Variants in CCDC172 observed in about 807,000 individuals in gnomAD.
The protein encoded by CCDC172 is coiled-coil domain containing 172.
In CCDC172, 30 loss-of-function variants were observed where a neutral mutation model predicts 38.0. The ratio of observed to expected loss-of-function variants is 0.79; its 90% confidence interval spans 0.59 to 1.07. The LOEUF is 1.07. Among genes scored for constraint, CCDC172 ranks in the 50% least tolerant of loss-of-function variants. The pLI is 0.00. For synonymous variants in CCDC172, 78 were observed against 88.3 expected (o/e 0.88, Z 0.66); for missense variants, 297 against 290.1 (o/e 1.02, Z -0.17).
At chr10:116,331,024 A>T (rs1844656111) in intron 3 of CCDC172, among the ~76,000 whole-genome samples, 1 of 152,154 alleles carries the variant, frequency 6.6e-6, no homozygotes, top group African/African-American at 2.4e-5. Context: ...ACAGGCGTGA[A>T]CCACCAAACC....
At chr10:116,366,114 AATAAT>A (rs1845119965) in intron 7 of CCDC172, among the ~76,000 whole-genome samples, 1 of 152,128 alleles carries the variant, frequency 6.6e-6, no homozygotes, top group Admixed American at 6.5e-5. Context: ...TGGTCCTTAA[AATAAT>A]ATATGTAAAC....
intron 2 of CCDC172, 37 bp downstream of exon 2, chr10:116,325,127 T>A: frequency 6.3e-7 from 1 of 1,599,748 alleles, no homozygotes; most frequent in Non-Finnish European, 8.6e-7. Context: ...GGGCCTTTTG[T>A]CTTCTGATGC....
At chr10:116,352,315 C>T (rs2134940489) in intron 5 of CCDC172, among the ~76,000 whole-genome samples, 1 of 152,176 alleles carries the variant, frequency 6.6e-6, no homozygotes, top group South Asian at 2.1e-4. Context: ...AAATAGTAAA[C>T]ACAATGTTTG....
At chr10:116,331,897 A>C (rs981272153) in intron 3 of CCDC172, among the ~76,000 whole-genome samples, 2 of 152,110 alleles carry the variant, frequency 1.3e-5, no homozygotes, top group African/African-American at 4.8e-5. Context: ...GGATAAGAGA[A>C]TCTCAGGGTT....
intron 7 of CCDC172, among the ~76,000 whole-genome samples, chr10:116,364,721 T>C (rs1389015391): frequency 6.6e-6 from 1 of 152,028 alleles, no homozygotes; most frequent in African/African-American, 2.4e-5. Context: ...GGAAGCAAAA[T>C]TGTATAATCA....
intron 3 of CCDC172, among the ~76,000 whole-genome samples, chr10:116,327,485 G>C (rs1221820754): frequency 6.6e-6 from 1 of 151,830 alleles, no homozygotes; most frequent in Non-Finnish European, 1.5e-5. Flanking sequence ...GCAAAGTTTT[G>C]TTTTGTCTGC....
intron 3 of CCDC172, among the ~76,000 whole-genome samples, chr10:116,331,769 T>C (rs1390554649): frequency 6.6e-6 from 1 of 152,160 alleles, no homozygotes; most frequent in African/African-American, 2.4e-5. Context: ...CATATTCCTT[T>C]GATAGAAAAG....
intron 8 of CCDC172, among the ~76,000 whole-genome samples, chr10:116,378,766 CT>C (rs1179768895): frequency 6.6e-6 from 1 of 152,046 alleles, no homozygotes; most frequent in African/African-American, 2.4e-5. Context: ...AAAAAAGCAA[CT>C]TTAGATCTGA....
intron 7 of CCDC172, among the ~76,000 whole-genome samples, chr10:116,361,609 A>T (rs1406104385): frequency 6.6e-6 from 1 of 152,218 alleles, no homozygotes; most frequent in African/African-American, 2.4e-5. Flanking sequence ...ATGAAAAGAA[A>T]AAAAGGTAGT....
At chr10:116,367,749 CCT>C (rs1264819928) in intron 7 of CCDC172, among the ~76,000 whole-genome samples, 8 of 152,016 alleles carry the variant, frequency 5.3e-5, no homozygotes, top group Non-Finnish European at 8.8e-5. Context: ...TAATATTTCC[CCT>C]GTTATCTTAA....
In CCDC172 at chr10:116,379,425, G is replaced by A. The variant is rs750786833; in HGVS notation, c.*67G>A. ...ATCTGAGAATCAAATCTTTGTGATA[G>A]ATATATGAATGGTACCCGTTACAAC... On this transcript the variant is annotated 3_prime_UTR_variant, in exon 9 of 9. Coordinates refer to ENST00000333254, the MANE Select transcript of CCDC172 (RefSeq NM_198515.3). The A allele has an allele frequency of 5.8e-5, 64 of 1,101,992 alleles. No homozygotes were observed. The highest frequency in any genetic ancestry group is 1.1e-4 in the Admixed American group (5 of 44,716). 68.3% of individuals were successfully genotyped at this position (1,101,992 alleles called of 1,614,324 possible).
chr10:116,351,570 G>A (rs1472306786), intron 5 of CCDC172, among the ~76,000 whole-genome samples: 1 of 152,182 alleles, frequency 6.6e-6, no homozygotes, highest in Non-Finnish European at 1.5e-5. Context: ...ATGTGGAAGA[G>A]AGACAAGTAA....
intron 5 of CCDC172, among the ~76,000 whole-genome samples, chr10:116,352,932 G>T (rs1307430807): frequency 2.6e-5 from 4 of 152,172 alleles, no homozygotes; most frequent in African/African-American, 9.6e-5. Context: ...AGTGGCTCAT[G>T]CCTGTAATCC....
chr10:116,337,883 CAGT>C (rs1844750178), intron 3 of CCDC172, among the ~76,000 whole-genome samples: 1 of 152,060 alleles, frequency 6.6e-6, no homozygotes, highest in South Asian at 2.1e-4. Flanking sequence ...TTTTACATAT[CAGT>C]AGATTTAGTT....
chr10:116,338,794 G>A (rs577791787), intron 3 of CCDC172, among the ~76,000 whole-genome samples: 1 of 152,196 alleles, frequency 6.6e-6, no homozygotes, highest in South Asian at 2.1e-4. Flanking sequence ...ATTTGCTTAA[G>A]TCTCATTTAG....
chr10:116,325,187 A>C (rs559144038), intron 2 of CCDC172, 97 bp downstream of exon 2: 1 of 1,481,974 alleles, frequency 6.7e-7, no homozygotes, highest in African/African-American at 1.4e-5. Context: ...CAGAGCCGTT[A>C]GGGGAGCTTG....
At chr10:116,337,535 G>A (rs1311009081) in intron 3 of CCDC172, among the ~76,000 whole-genome samples, 3 of 152,148 alleles carry the variant, frequency 2.0e-5, no homozygotes, top group Admixed American at 2.0e-4. Context: ...TTTTATCACT[G>A]CCATTAGGAA....
At chr10:116,338,915 G>A (rs560226418) in intron 3 of CCDC172, among the ~76,000 whole-genome samples, 2 of 152,124 alleles carry the variant, frequency 1.3e-5, no homozygotes, top group East Asian at 1.9e-4. Flanking sequence ...CATGAATTGC[G>A]TTTCTGAAGG....
At chr10:116,336,135 T>C (rs4508123) in intron 3 of CCDC172, among the ~76,000 whole-genome samples, 14,175 of 151,514 alleles carry the variant, frequency 0.094, 919 homozygotes, top group East Asian at 0.23. Flanking sequence ...CCACTGCACT[T>C]CAGCCTGGGC....
Sources: gnomAD v4.1 joint callset for allele counts (sites outside exome capture counted in the v4.1 genomes callset) on GRCh38, gnomAD v4.1.1 for gene constraint, MANE v1.5 for transcripts, NCBI Gene and HGNC (gene_info 2026-07-23, HGNC 2026-07-21) for gene names.